The following CELF4 variants were observed in gnomAD, a reference collection of about 807,000 sequenced individuals.
CELF4 encodes CUG-BP- and ETR-3-like factor 4.
CELF4 carries 18 observed loss-of-function variants against 59.9 expected under a neutral mutation model. That is an observed-to-expected ratio of 0.30 (90% CI 0.21 to 0.45). CELF4 has a LOEUF of 0.45. CELF4 is among the 20% of genes least tolerant of loss of function. The probability of loss-of-function intolerance (pLI) is 1.00; values close to 1 mark genes in which losing one functional copy is unlikely to be tolerated. For synonymous variants in CELF4, 261 were observed against 267.1 expected (o/e 0.98, Z 0.22); for missense variants, 456 against 689.0 (o/e 0.66, Z 3.79).
chr18:37,386,650 C>T (rs887408340), intron 2 of CELF4, among the ~76,000 whole-genome samples: 3 of 152,124 alleles, frequency 2.0e-5, no homozygotes, highest in Non-Finnish European at 4.4e-5. Context: ...TGCCATTAAA[C>T]GAGATTGGAA....
intron 2 of CELF4, among the ~76,000 whole-genome samples, chr18:37,386,489 G>A (rs1415640312): frequency 1.3e-5 from 2 of 152,194 alleles, no homozygotes; most frequent in Non-Finnish European, 2.9e-5. Context: ...TGATGGGAAT[G>A]AGGAGAGTGA....
intron 2 of CELF4, among the ~76,000 whole-genome samples, chr18:37,330,340 C>T (rs1023569144): frequency 6.6e-6 from 1 of 152,144 alleles, no homozygotes. Flanking sequence ...AAAGAATGAA[C>T]CCTTGCCTGA....
intron 1 of CELF4, among the ~76,000 whole-genome samples, chr18:37,525,449 G>A (rs1259651580): frequency 1.3e-5 from 2 of 152,128 alleles, no homozygotes; most frequent in Non-Finnish European, 2.9e-5. Context: ...GAGGGGAGTG[G>A]AAGCTGCCCG....
At chr18:37,437,666 C>T (rs2099697398) in intron 2 of CELF4, among the ~76,000 whole-genome samples, 1 of 152,210 alleles carries the variant, frequency 6.6e-6, no homozygotes, top group Non-Finnish European at 1.5e-5. Context: ...AGGACACATC[C>T]AGGCAGGTGG....
Position 37,266,517 on chromosome 18 carries a change from A to G in CELF4, c.1165+16T>C, listed in dbSNP as rs147319332. 14 of 1,583,338 alleles carry G rather than the reference A, an allele frequency of 8.8e-6. No individual in the cohort carries two copies. Among genetic ancestry groups the G allele is most frequent in the Non-Finnish European group, 1.2e-5 (14 of 1,165,784 alleles). Reference sequence around the variant, plus strand: ...CGGAGTTGGGGAAGGAGCCGTGGGGACGCGTGGATACTAACGACCTGCATA... The same window carrying G: ...CGGAGTTGGGGAAGGAGCCGTGGGGGCGCGTGGATACTAACGACCTGCATA... On this transcript the variant is annotated intron_variant, in intron 9 of 12. Coordinates refer to ENST00000420428, the MANE Select transcript of CELF4 (RefSeq NM_020180.4).
chr18:37,270,493 C>G (rs1435952345), intron 8 of CELF4, among the ~76,000 whole-genome samples: 3 of 152,234 alleles, frequency 2.0e-5, no homozygotes, highest in Admixed American at 1.3e-4. Context: ...TACAACTGCA[C>G]CCAGTCTCCT....
chr18:37,368,462 C>T (rs888059411), intron 2 of CELF4, among the ~76,000 whole-genome samples: 1 of 152,124 alleles, frequency 6.6e-6, no homozygotes, highest in Admixed American at 6.5e-5. Context: ...GCACTGTCTC[C>T]CTCCCGCTTG....
At chr18:37,515,491 T>C (rs1316079416) in intron 1 of CELF4, among the ~76,000 whole-genome samples, 5 of 152,210 alleles carry the variant, frequency 3.3e-5, no homozygotes, top group Non-Finnish European at 5.9e-5. Context: ...TGGCATTTCT[T>C]GGCCCATCCT....
At chr18:37,415,622 C>A (rs1479387172) in intron 2 of CELF4, among the ~76,000 whole-genome samples, 2 of 152,180 alleles carry the variant, frequency 1.3e-5, no homozygotes. Flanking sequence ...AAATGGTCTT[C>A]AAGCACTTTG....
chr18:37,498,689 A>G (rs2099928013), intron 1 of CELF4, among the ~76,000 whole-genome samples: 1 of 152,148 alleles, frequency 6.6e-6, no homozygotes, highest in African/African-American at 2.4e-5. Flanking sequence ...GTCACCAGCC[A>G]GCTGGTGACT....
In CELF4 at chr18:37,397,054, G is replaced by A. The variant is rs192043510; in HGVS notation, c.370-75173C>T. ...CTGGACACTGGGCCTCCAGAGCCCA[G>A]GGGGGAGGTGAGCGGATGGCGGCTC... On this transcript the variant is annotated intron_variant, in intron 2 of 12. Coordinates refer to ENST00000420428, the MANE Select transcript of CELF4 (RefSeq NM_020180.4). 2.6e-5 allele frequency among the ~76,000 whole-genome samples: 4 copies of A among 152,240 alleles called. No homozygotes were observed. The East Asian group carries it at 7.7e-4, about 29-fold the overall frequency.
intron 1 of CELF4, among the ~76,000 whole-genome samples, chr18:37,486,704 A>G (rs2099882035): frequency 6.6e-6 from 1 of 152,200 alleles, no homozygotes; most frequent in African/African-American, 2.4e-5. Flanking sequence ...CAAGCCACCC[A>G]TGGCCCCAGA....
intron 3 of CELF4, 88 bp downstream of exon 3, chr18:37,321,715 G>A: frequency 3.2e-6 from 3 of 929,546 alleles, no homozygotes; most frequent in Non-Finnish European, 3.4e-6. Flanking sequence ...GGAGGAGGCG[G>A]GGAGTCGCTG....
chr18:37,328,244 G>A (rs3915607), intron 2 of CELF4, among the ~76,000 whole-genome samples: 63,601 of 151,934 alleles, frequency 0.42, 13,451 homozygotes, highest in South Asian at 0.61. Flanking sequence ...AGGGGGATTC[G>A]CATTGAACGA....
chr18:37,274,338 G>A lies in CELF4; in HGVS notation c.774C>T (p.Phe258=), dbSNP rs775086862. Residue 258 remains phenylalanine (F), a synonymous_variant, in exon 6 of 13, where the codon TTC becomes TTT. Transcript: ENST00000420428. Reference sequence around the variant, plus strand: ...CCTGAGCGTAGGCGCCGTAGGCCCCGAAAGGGATGGCCATGGGGTTGAACA... The same window carrying A: ...CCTGAGCGTAGGCGCCGTAGGCCCCAAAAGGGATGGCCATGGGGTTGAACA... ...MGMFNPMAIP[F]GAYGAYAQAL... is the part of the protein sequence containing the mutation. The A allele has an allele frequency of 1.2e-6, 2 of 1,613,212 alleles. No homozygotes were observed. The highest frequency in any genetic ancestry group is 1.1e-5 in the South Asian group (1 of 91,030).
At chr18:37,283,235 A>G (rs562399429) in intron 3 of CELF4, among the ~76,000 whole-genome samples, 1 of 149,806 alleles carries the variant, frequency 6.7e-6, no homozygotes, top group African/African-American at 2.5e-5. Context: ...GGTTGGAGCC[A>G]CCCAGGCATG....
At chr18:37,353,777 T>C (rs1322057747) in intron 2 of CELF4, among the ~76,000 whole-genome samples, 2 of 147,704 alleles carry the variant, frequency 1.4e-5, no homozygotes, top group South Asian at 2.2e-4. Flanking sequence ...CTTTTTTTTT[T>C]TTTTTTTGAG....
rs558075968 is a variant in CELF4, at chr18:37,270,725, G to T, written c.1099+43C>A. On this transcript the variant is annotated intron_variant, in intron 8 of 12. Coordinates refer to ENST00000420428, the MANE Select transcript of CELF4 (RefSeq NM_020180.4). Reference sequence around the variant, plus strand: ...CAAGGGCAGGGACAGCATGGATAAAGAATGTGCTGCATACGGAAATAAGTG... The same window carrying T: ...CAAGGGCAGGGACAGCATGGATAAATAATGTGCTGCATACGGAAATAAGTG... 23 of 1,611,114 alleles carry T rather than the reference G, an allele frequency of 1.4e-5. No individual in the cohort carries two copies. In the East Asian group the frequency reaches 4.7e-4, roughly 33 times the overall value.
intron 3 of CELF4, among the ~76,000 whole-genome samples, chr18:37,307,127 G>A (rs1003755395): frequency 1.3e-5 from 2 of 152,096 alleles, no homozygotes; most frequent in Non-Finnish European, 2.9e-5. Flanking sequence ...AAGGGGGCTT[G>A]TACTCCACTC....
Sources: gnomAD v4.1 joint callset for allele counts (sites outside exome capture counted in the v4.1 genomes callset) on GRCh38, gnomAD v4.1.1 for gene constraint, MANE v1.5 for transcripts, NCBI Gene and HGNC (gene_info 2026-07-23, HGNC 2026-07-21) for gene names.